Variants in CTNND1 observed in about 807,000 individuals in gnomAD.
The protein encoded by CTNND1 is catenin delta 1, also known as catenin delta-1.
CTNND1 carries 16 observed loss-of-function variants against 112.1 expected under a neutral mutation model. The observed-to-expected ratio is 0.14, with a 90% CI of 0.10 to 0.22. The LOEUF is 0.22. CTNND1 is among the 10% of genes least tolerant of loss of function. The pLI is 1.00. For missense variants in CTNND1, 1,008 were observed against 1,257.0 expected (o/e 0.80, Z 3.00); for synonymous variants, 420 against 446.5 (o/e 0.94, Z 0.75).
chr11:57,773,676 T>C (rs942343302), intron 1 of CTNND1, among the ~76,000 whole-genome samples: 11 of 150,968 alleles, frequency 7.3e-5, no homozygotes, highest in Non-Finnish European at 1.5e-4. Flanking sequence ...GTGGCTTACA[T>C]CTGTAATCCC....
intron 14 of CTNND1, 144 bp from the exon 15 acceptor site, chr11:57,809,130 T>A: frequency 1.7e-6 from 1 of 599,794 alleles, no homozygotes; most frequent in Non-Finnish European, 2.9e-6. Context: ...CTTAGCCCTT[T>A]TGATATGATA....
intron 19 of CTNND1, 23 bp downstream of exon 19, chr11:57,815,523 T>A: frequency 6.5e-7 from 1 of 1,531,378 alleles, no homozygotes; most frequent in South Asian, 1.1e-5. Flanking sequence ...TATATACTGC[T>A]ATCTGTCTAA....
chr11:57,797,606 ACTGAGGTGGGTGGATCAC>A (rs1454092292), intron 6 of CTNND1, among the ~76,000 whole-genome samples: 1 of 141,348 alleles, frequency 7.1e-6, no homozygotes, highest in East Asian at 2.4e-4. Flanking sequence ...GCTTTTGGAG[ACTGAGGTGGGTGGATCAC>A]CTGAGGTCCG....
chr11:57,800,771 T>C (rs1372413188), intron 6 of CTNND1, among the ~76,000 whole-genome samples: 1 of 152,208 alleles, frequency 6.6e-6, no homozygotes, highest in Non-Finnish European at 1.5e-5. Flanking sequence ...GATTATCCTC[T>C]CCTGTGGGAG....
chr11:57,791,288 AACC>A (rs1185979896), intron 2 of CTNND1, 94 bp from the exon 3 acceptor site: 2 of 1,106,848 alleles, frequency 1.8e-6, no homozygotes, highest in Non-Finnish European at 2.3e-6. Context: ...ACTGCAGTAA[AACC>A]ACGAGAGGGC....
intron 8 of CTNND1, 27 bp downstream of exon 8, chr11:57,803,831 A>T: frequency 6.6e-7 from 1 of 1,510,714 alleles, no homozygotes; most frequent in South Asian, 1.3e-5. Context: ...TGAGAATATG[A>T]AGATGAATTT....
At chr11:57,808,652 C>A in intron 14 of CTNND1, 112 bp downstream of exon 14, 1 of 1,050,180 alleles carries the variant, frequency 9.5e-7, no homozygotes, top group Non-Finnish European at 1.3e-6. Flanking sequence ...AAGGACCCTC[C>A]CCCGCTTCAT....
chr11:57,804,644 G>C lies in CTNND1; in HGVS notation c.1605-19G>C, dbSNP rs1305682384. The C allele has an allele frequency of 1.3e-6, 2 of 1,596,402 alleles. No homozygotes were observed. The highest frequency in any genetic ancestry group is 2.7e-5 in the African/African-American group (2 of 74,738). On this transcript the variant is annotated intron_variant, in intron 8 of 20. Transcript: ENST00000399050. The stretch of plus-strand genomic sequence containing the variant: ...ATTTCTGGATTTGAGTCATCTTGAA[G>C]CTTCTGGTTTCCCCTCAGGAATGTA...
In CTNND1 at chr11:57,805,955, G is replaced by A. The variant is rs777009146; in HGVS notation, c.1796G>A (p.Arg599His). 16 of 1,613,056 alleles carry A rather than the reference G, an allele frequency of 9.9e-6. No individual in the cohort carries two copies. Among genetic ancestry groups the A allele is most frequent in the African/African-American group, 6.7e-5 (5 of 74,896 alleles). ...QVHREIPQAERYQEAAPNVAN... is the reference protein window; with the variant it reads ...QVHREIPQAEHYQEAAPNVAN... ...CACCGGGAGATCCCACAGGCAGAGC[G>A]TTACCAAGAGGCAGCTCCCAATGTT... is the stretch of plus-strand genomic sequence containing the variant. The change falls in exon 10 of 21, where the codon CGT becomes CAT. Residue 599 changes from arginine to histidine, a missense_variant. Transcript: ENST00000399050.
rs2061048109 is a variant in CTNND1 at position 57,793,921 on chromosome 11, C to T, written c.196-89C>T. ...GGCCACACATATCTTCTTGAAAGCC[C>T]TTTTCCTGTTTGAAAAAAAGATCGT... On this transcript the variant is annotated intron_variant, in intron 3 of 20. Coordinates refer to ENST00000399050, the MANE Select transcript of CTNND1 (RefSeq NM_001085458.2). The T allele has an allele frequency of 1.7e-5, 23 of 1,338,572 alleles. 1 individual carries two copies. In the South Asian group the frequency reaches 2.7e-4, roughly 16 times the overall value. 82.9% of individuals were successfully genotyped at this position (1,338,572 alleles called of 1,614,324 possible).
intron 1 of CTNND1, among the ~76,000 whole-genome samples, chr11:57,785,760 GC>G (rs2060059703): frequency 6.6e-6 from 1 of 151,832 alleles, no homozygotes. Flanking sequence ...TGTTGGTCAG[GC>G]CGGTCTCAAA....
chr11:57,811,045 T>C (rs2063295340), intron 16 of CTNND1, among the ~76,000 whole-genome samples: 1 of 152,174 alleles, frequency 6.6e-6, no homozygotes, highest in Admixed American at 6.5e-5. Flanking sequence ...AGCTCAGGTA[T>C]CCCTCTATGT....
rs1415302621 is a variant in CTNND1, at chr11:57,791,492, A to G, written c.14A>G (p.Glu5Gly). Residue 5 changes from glutamate to glycine, a missense_variant, in exon 3 of 21, where the codon GAG (glutamate) becomes GGG (glycine). Around this residue, in one of 5 missense-constraint regions of CTNND1, gnomAD observed 404 missense variants for 457.9 expected, o/e 0.88. Transcript: ENST00000399050. MDDS[E>G]VESTASILAS... Reference sequence around the variant, plus strand: ...CCCCTTACCTTCATGGACGACTCAGAGGTGGAGTCGACCGCCAGCATCTTG... The same window carrying G: ...CCCCTTACCTTCATGGACGACTCAGGGGTGGAGTCGACCGCCAGCATCTTG... 13 of 1,550,618 alleles carry G rather than the reference A, an allele frequency of 8.4e-6. No individual in the cohort carries two copies. Among genetic ancestry groups the G allele is most frequent in the Non-Finnish European group, 1.1e-5 (13 of 1,147,398 alleles).
intron 2 of CTNND1, 68 bp downstream of exon 2, chr11:57,789,223 C>G (rs1383341272): frequency 1.1e-4 from 120 of 1,126,076 alleles, no homozygotes; most frequent in Non-Finnish European, 1.4e-4. Context: ...ATTTTTATTC[C>G]TTTCATGTCA....
In CTNND1 at chr11:57,799,451, C is replaced by G. The variant is rs191672240; in HGVS notation, c.957-2282C>G. On this transcript the variant is annotated intron_variant, in intron 6 of 20. Transcript: ENST00000399050. Reference sequence around the variant, plus strand: ...CCAGGGTAGCACTGGACTTGGAAACCTGCTTGACTAGCAAGCATATTTGCT... The same window carrying G: ...CCAGGGTAGCACTGGACTTGGAAACGTGCTTGACTAGCAAGCATATTTGCT... Among the ~76,000 whole-genome samples the G allele has an allele frequency of 2.0e-4, 30 of 152,288 alleles. No individual in the cohort carries two copies. In the East Asian group the frequency reaches 2.7e-3, roughly 14 times the overall value.
At chr11:57,778,570 G>A (rs1373689365) in intron 1 of CTNND1, among the ~76,000 whole-genome samples, 4 of 152,174 alleles carry the variant, frequency 2.6e-5, no homozygotes, top group East Asian at 1.9e-4. Context: ...TTTGTCCTAC[G>A]TAGTGTTGGC....
At chr11:57,765,885 A>G (rs1950934078) in intron 1 of CTNND1, among the ~76,000 whole-genome samples, 1 of 152,160 alleles carries the variant, frequency 6.6e-6, no homozygotes, top group African/African-American at 2.4e-5. Context: ...AAAAGTAAGG[A>G]TCTGGCCTGG....
intron 3 of CTNND1, chr11:57,793,362 A>T (rs2060980993): frequency 5.9e-5 from 9 of 152,206 alleles, no homozygotes; most frequent in Admixed American, 5.9e-4. Flanking sequence ...GTTGGTAAAG[A>T]TATTGAGCCT....
intron 1 of CTNND1, among the ~76,000 whole-genome samples, chr11:57,764,310 G>GAAGCTCCA (rs1332679980): frequency 6.6e-6 from 1 of 152,114 alleles, no homozygotes; most frequent in African/African-American, 2.4e-5. Flanking sequence ...GACAGTCAGA[G>GAAGCTCCA]AAGCTCCAAC....
Sources: allele counts gnomAD v4.1 joint callset (sites outside exome capture counted in the v4.1 genomes callset), GRCh38; gene constraint gnomAD v4.1.1; regional missense constraint gnomAD v4.1.1; transcripts MANE v1.5; gene names NCBI Gene and HGNC (gene_info 2026-07-23, HGNC 2026-07-21).